Variants in SLC2A5 observed in about 807,000 individuals in gnomAD.
SLC2A5 encodes the protein solute carrier family 2, facilitated glucose transporter member 5.
In SLC2A5, 56 loss-of-function variants were observed where a neutral mutation model predicts 50.3. The ratio of observed to expected loss-of-function variants is 1.11; its 90% confidence interval spans 0.90 to 1.39. The LOEUF (loss-of-function observed/expected upper bound fraction) is 1.39. SLC2A5 is among the 40% of genes most tolerant of loss of function. SLC2A5 has a pLI of 0.00. For synonymous variants in SLC2A5, 269 were observed against 281.9 expected (o/e 0.95, Z 0.46); for missense variants, 566 against 650.1 (o/e 0.87, Z 1.41).
In SLC2A5 at chr1:9,057,498, T is replaced by C. The variant is rs1398851500; in HGVS notation, c.243A>G (p.Gly81=). 3 of 1,613,802 alleles carry C rather than the reference T, an allele frequency of 1.9e-6. No individual in the cohort carries two copies. Among genetic ancestry groups the C allele is most frequent in the Non-Finnish European group, 2.5e-6 (3 of 1,179,952 alleles). Reference sequence around the variant, plus strand: ...CGACCAGGAGGGATCCGATAAACCCTCCAAATGGAAACATGGACACGGTTA... The same window carrying C: ...CGACCAGGAGGGATCCGATAAACCCCCCAAATGGAAACATGGACACGGTTA... ...WSVTVSMFPF[G]GFIGSLLVGP... Residue 81 remains glycine, a synonymous_variant, in exon 3 of 12, where the codon GGA becomes GGG. Transcript: ENST00000377424.
upstream of SLC2A5, among the ~76,000 whole-genome samples, chr1:9,073,747 A>G (rs1254635287): frequency 6.6e-6 from 1 of 152,222 alleles, no homozygotes; most frequent in Non-Finnish European, 1.5e-5. Flanking sequence ...CTCACTCAGT[A>G]CATGCTTCTG....
Position 9,037,228 on chromosome 1 carries a change from C to T in SLC2A5, c.*358G>A, listed in dbSNP as rs1641155033. The T allele has an allele frequency of 4.2e-6, 1 of 235,798 alleles. No individual in the cohort carries two copies. Among genetic ancestry groups the T allele is most frequent in the South Asian group, 6.6e-5 (1 of 15,228 alleles). The allele number at this position is 235,798 out of a possible 1,614,324, so 14.6% of individuals were successfully genotyped here. On this transcript the variant is annotated 3_prime_UTR_variant, in exon 12 of 12. Coordinates refer to ENST00000377424, the MANE Select transcript of SLC2A5 (RefSeq NM_003039.3). Reference sequence around the variant, plus strand: ...TCTGGCAAAATTTGATTCCTTCCATCTCACCACTATAGTAACTGTTGTTGT... The same window carrying T: ...TCTGGCAAAATTTGATTCCTTCCATTTCACCACTATAGTAACTGTTGTTGT...
chr1:9,074,868 C>A (rs886961009), intron 2 of SLC2A5, among the ~76,000 whole-genome samples: 2 of 151,994 alleles, frequency 1.3e-5, no homozygotes, highest in East Asian at 1.9e-4. Context: ...TACAAATAAT[C>A]AAAAATTATC....
chr1:9,049,100 C>T (rs1641506398), intron 3 of SLC2A5: 2 of 455,752 alleles, frequency 4.4e-6, no homozygotes, highest in Non-Finnish European at 8.8e-6. Flanking sequence ...ACAAGCCTAC[C>T]CTGGAGATCC....
upstream of SLC2A5, among the ~76,000 whole-genome samples, chr1:9,091,098 G>A (rs559623244): frequency 3.3e-5 from 5 of 152,172 alleles, no homozygotes; most frequent in South Asian, 6.2e-4. Flanking sequence ...TTCCTTCCTC[G>A]GATTAGTGGG....
At chr1:9,085,609 G>A (rs905668121) in intron 1 of SLC2A5, among the ~76,000 whole-genome samples, 1 of 152,146 alleles carries the variant, frequency 6.6e-6, no homozygotes, top group African/African-American at 2.4e-5. Context: ...GTTTGATGAG[G>A]CATGTTCGAA....
upstream of SLC2A5, among the ~76,000 whole-genome samples, chr1:9,090,151 A>C (rs555008337): frequency 6.6e-6 from 1 of 152,202 alleles, no homozygotes; most frequent in South Asian, 2.1e-4. Flanking sequence ...GACATTCTAC[A>C]CAAACTAGGG....
upstream of SLC2A5, chr1:9,072,008 G>A (rs1642223481): frequency 6.5e-6 from 1 of 152,806 alleles, no homozygotes; most frequent in African/African-American, 2.5e-5. Flanking sequence ...GCCTCAGCCC[G>A]GGTTCCCCTC....
At chr1:9,093,249 C>G (rs907455238), upstream of SLC2A5, among the ~76,000 whole-genome samples, 1 of 152,130 alleles carries the variant, frequency 6.6e-6, no homozygotes, top group Non-Finnish European at 1.5e-5. Flanking sequence ...ACCAGATCAT[C>G]GTTACTACAC....
chr1:9,039,925 C>G lies in SLC2A5; in HGVS notation c.760G>C (p.Asp254His). ...AAGCCCGCGGCCTTCTCTGCCTCAT[C>G]CTCCTGCCGGATCTCGGCCACCTCC... ...DREVAEIRQE[D>H]EAEKAAGFIS... Residue 254 changes from aspartate to histidine, a missense_variant, in exon 7 of 12, where the codon GAT (aspartate) becomes CAT (histidine). Asp to His is a moderately conservative substitution (Grantham distance 81, BLOSUM62 -1). Coordinates refer to ENST00000377424, the MANE Select transcript of SLC2A5 (RefSeq NM_003039.3). 6.2e-7 allele frequency: 1 copy of G among 1,613,028 alleles called. No homozygotes were observed. Among genetic ancestry groups the G allele is most frequent in the Non-Finnish European group, 8.5e-7 (1 of 1,179,856 alleles).
In SLC2A5 at chr1:9,047,661, T is replaced by A; in HGVS notation, c.367A>T (p.Thr123Ser). Reference sequence around the variant, plus strand: ...GAAATAATGATAAGCTCAAATGATGTGGCGACTCTGCTGCATCCCATTAAG... The same window carrying A: ...GAAATAATGATAAGCTCAAATGATGAGGCGACTCTGCTGCATCCCATTAAG... ...AILMGCSRVA[T>S]SFELIIISRL... is the part of the protein sequence containing the mutation. Residue 123 changes from threonine to serine, a missense_variant, in exon 4 of 12, where the codon ACA (threonine) becomes TCA (serine). Coordinates refer to ENST00000377424, the MANE Select transcript of SLC2A5 (RefSeq NM_003039.3). The A allele has an allele frequency of 6.2e-7, 1 of 1,613,960 alleles. No individual in the cohort carries two copies. Among genetic ancestry groups the A allele is most frequent in the East Asian group, 2.2e-5 (1 of 44,886 alleles).
chr1:9,082,456 G>A (rs1642365188), intron 2 of SLC2A5, among the ~76,000 whole-genome samples: 1 of 152,126 alleles, frequency 6.6e-6, no homozygotes, highest in South Asian at 2.1e-4. Flanking sequence ...GTGCATGCCT[G>A]TAGTCCCAGC....
intron 9 of SLC2A5, 93 bp downstream of exon 9, chr1:9,038,735 C>G: frequency 6.8e-7 from 1 of 1,477,018 alleles, no homozygotes; most frequent in Non-Finnish European, 9.0e-7. Context: ...ATTGTGACCC[C>G]TTTTATTTTA....
Position 9,039,710 on chromosome 1 carries a change from C to G in SLC2A5, c.886-48G>C, listed in dbSNP as rs1453158112. On this transcript the variant is annotated intron_variant, in intron 7 of 11. Coordinates refer to ENST00000377424, the MANE Select transcript of SLC2A5 (RefSeq NM_003039.3). ...GGCGGCTGCCCGGAGGAGGCGGCCT[C>G]GGCGCCAGGACCCACGCCCGGCGCC... 8 of 1,454,134 alleles carry G rather than the reference C, an allele frequency of 5.5e-6. No individual in the cohort carries two copies. In the African/African-American group the frequency reaches 5.9e-5, roughly 11 times the overall value. 90.1% of individuals were successfully genotyped at this position (1,454,134 alleles called of 1,614,324 possible).
At chr1:9,050,629 GA>G (rs1322600082) in intron 3 of SLC2A5, among the ~76,000 whole-genome samples, 3 of 150,572 alleles carry the variant, frequency 2.0e-5, no homozygotes, top group East Asian at 1.9e-4. Flanking sequence ...GATAGCTTAG[GA>G]AAAAAAAATC....
chr1:9,077,862 GAGA>G (rs1340489761), intron 2 of SLC2A5, among the ~76,000 whole-genome samples: 1 of 151,972 alleles, frequency 6.6e-6, no homozygotes, highest in East Asian at 1.9e-4. Flanking sequence ...CAGACCCCAA[GAGA>G]AGGTTCTTGG....
At chr1:9,058,567 T>A (rs973918648) in intron 1 of SLC2A5, among the ~76,000 whole-genome samples, 10 of 152,168 alleles carry the variant, frequency 6.6e-5, no homozygotes, top group Non-Finnish European at 1.5e-4. Context: ...TCCAACATTG[T>A]TAAGTGTCCC....
Position 9,060,082 on chromosome 1 carries a change from ACACT to A in SLC2A5, c.34-1836_34-1833del, listed in dbSNP as rs1350625417. Among the ~76,000 whole-genome samples, 40 of 142,398 alleles carry A rather than the reference ACACT, an allele frequency of 2.8e-4. No individual in the cohort carries two copies. In the East Asian group the frequency reaches 6.1e-3, roughly 22 times the overall value. The allele number at this position is 142,398 out of a possible 152,430, so 93.4% of individuals were successfully genotyped here. Reference sequence around the variant, plus strand: ...CACACAATACACACACTACACACACACACTACACACACAACACACACAATACACA... The same window carrying A: ...CACACAATACACACACTACACACACAACACACACAACACACACAATACACA... On this transcript the variant is annotated intron_variant, in intron 1 of 11. Coordinates refer to ENST00000377424, the MANE Select transcript of SLC2A5 (RefSeq NM_003039.3).
chr1:9,041,881 G>A lies in SLC2A5; in HGVS notation c.475C>T (p.Arg159Trp), dbSNP rs371270715. 2.9e-5 allele frequency: 47 copies of A among 1,613,740 alleles called. No homozygotes were observed. The highest frequency in any genetic ancestry group is 2.4e-4 in the South Asian group (22 of 91,050). ...YLGELAPKNL[R>W]GALGVVPQLF... ...TGGGGCACCACCCCGAGAGCCCCCC[G>A]CAGGTTTTTAGGGGCCAGCTCCCCT... is the stretch of plus-strand genomic sequence containing the variant. The change falls in exon 5 of 12, where the codon CGG (arginine) becomes TGG (tryptophan). Residue 159 changes from arginine to tryptophan, a missense_variant. Physicochemically the swap from Arg to Trp is moderately radical, Grantham distance 101. Transcript: ENST00000377424.
Sources: allele counts gnomAD v4.1 joint callset (sites outside exome capture counted in the v4.1 genomes callset), GRCh38; gene constraint gnomAD v4.1.1; transcripts MANE v1.5; gene names NCBI Gene and HGNC (gene_info 2026-07-23, HGNC 2026-07-21).